Variants in ANXA8 observed in about 807,000 individuals in gnomAD.
The protein encoded by ANXA8 is annexin A8.
Under a neutral mutation model 26.8 loss-of-function variants are expected in ANXA8, and 9 were observed. The ratio of observed to expected loss-of-function variants is 0.34; its 90% CI spans 0.20 to 0.59. ANXA8 has a LOEUF of 0.59. Ranked by LOEUF, ANXA8 falls within the 20% of genes least tolerant of loss-of-function variation. The pLI is 0.84. For synonymous variants in ANXA8, 39 were observed against 94.8 expected, an observed-to-expected ratio of 0.41 and a Z score of 3.42; for missense variants, 83 against 238.5, an observed-to-expected ratio of 0.35 and a Z score of 4.29.
chr10:47,561,794 A>G, the ANXA8 span, among the ~76,000 whole-genome samples: 2 of 151,570 alleles, frequency 1.3e-5, no homozygotes, highest in South Asian at 2.1e-4. Flanking sequence ...GGGAAGCCAG[A>G]TACTAAACAC....
chr10:47,776,562 C>T, the ANXA8 span, among the ~76,000 whole-genome samples: 1 of 151,972 alleles, frequency 6.6e-6, no homozygotes, highest in Non-Finnish European at 1.5e-5. Flanking sequence ...GCCACATTCC[C>T]TTGGGGAATA....
chr10:47,717,330 G>GT, the ANXA8 span, among the ~76,000 whole-genome samples: 3 of 44,216 alleles, frequency 6.8e-5, no homozygotes, highest in Non-Finnish European at 1.2e-4. Flanking sequence ...TGAATTCATA[G>GT]TTTCTGTCAT....
the ANXA8 span, chr10:47,763,090 GC>G: frequency 2.0e-6 from 2 of 996,942 alleles, no homozygotes; most frequent in Non-Finnish European, 2.4e-6. Flanking sequence ...CCAGGACTGA[GC>G]CCCCGCCCTC....
the ANXA8 span, among the ~76,000 whole-genome samples, chr10:47,707,874 T>C: frequency 1.5e-5 from 2 of 135,086 alleles, no homozygotes; most frequent in Non-Finnish European, 1.6e-5. Flanking sequence ...ACTAGGTATA[T>C]ATCCAAAAGA....
chr10:47,489,157 A>G (rs1218340557), upstream of ANXA8, among the ~76,000 whole-genome samples: 1 of 148,920 alleles, frequency 6.7e-6, no homozygotes, highest in Non-Finnish European at 1.5e-5. Context: ...AGCTGGGACT[A>G]TAGGCACCCA....
chr10:47,664,893 T>C, the ANXA8 span, among the ~76,000 whole-genome samples: 1 of 142,214 alleles, frequency 7.0e-6, no homozygotes, highest in Non-Finnish European at 1.5e-5. Context: ...GCCTGGCTAA[T>C]TTTTAAATTT....
chr10:47,665,572 T>C, the ANXA8 span, among the ~76,000 whole-genome samples: 3 of 149,862 alleles, frequency 2.0e-5, no homozygotes, highest in Non-Finnish European at 2.9e-5. Context: ...AGGTACTGTG[T>C]TATATGCTGT....
the ANXA8 span, chr10:47,986,557 A>G: frequency 2.9e-6 from 1 of 349,220 alleles, no homozygotes; most frequent in Non-Finnish European, 5.7e-6. Context: ...CACATGGGCC[A>G]GGGCGGTGCA....
At chr10:47,763,203 C>A in the ANXA8 span, 1 of 988,816 alleles carries the variant, frequency 1.0e-6, no homozygotes, top group African/African-American at 1.7e-5. Flanking sequence ...GGGTCCCGGG[C>A]CCCAGCGCTG....
Position 47,484,033 on chromosome 10 carries a change from C to T in ANXA8, c.-100G>A, listed in dbSNP as rs1839956829. 2.5e-6 allele frequency: 4 copies of T among 1,611,348 alleles called. No homozygotes were observed. Among genetic ancestry groups the T allele is most frequent in the Non-Finnish European group, 3.4e-6 (4 of 1,179,618 alleles). ...CTGGCTCCTGCAGCTGAGGAGTGAG[C>T]AGGCCGCTCACTTGGGTGTGGGGGT... On this transcript the variant is annotated 5_prime_UTR_variant, in exon 1 of 12. Coordinates refer to ENST00000585281, the MANE Select transcript of ANXA8 (RefSeq NM_001040084.3).
chr10:47,926,022 GAT>G, the ANXA8 span, among the ~76,000 whole-genome samples: 1 of 51,972 alleles, frequency 1.9e-5, no homozygotes, highest in African/African-American at 7.3e-5. Context: ...CATCTTGCTG[GAT>G]ATCTTTTTTT....
chr10:47,747,969 A>G, the ANXA8 span, among the ~76,000 whole-genome samples: 1 of 152,000 alleles, frequency 6.6e-6, no homozygotes. Context: ...CAGAATAAAA[A>G]CTCTAAGCTG....
At chr10:47,643,485 C>G in the ANXA8 span, among the ~76,000 whole-genome samples, 1 of 148,006 alleles carries the variant, frequency 6.8e-6, no homozygotes, top group Non-Finnish European at 1.5e-5. Context: ...GCCGAGATCA[C>G]ACCACTGCAC....
At chr10:47,607,348 G>T in the ANXA8 span, among the ~76,000 whole-genome samples, 35 of 141,934 alleles carry the variant, frequency 2.5e-4, no homozygotes, top group Non-Finnish European at 1.1e-4. Flanking sequence ...TCAAATGTCT[G>T]CAATGATTCT....
At chr10:47,652,218 G>T in the ANXA8 span, among the ~76,000 whole-genome samples, 1 of 151,866 alleles carries the variant, frequency 6.6e-6, no homozygotes, top group South Asian at 2.1e-4. Context: ...TAGTGTAGAT[G>T]GTTGCAAAAT....
At chr10:47,691,361 C>G in the ANXA8 span, 1 of 601,594 alleles carries the variant, frequency 1.7e-6, no homozygotes, top group Non-Finnish European at 2.8e-6. Context: ...ATAATTGATC[C>G]CTTTATTGCA....
the ANXA8 span, among the ~76,000 whole-genome samples, chr10:47,514,006 G>A: frequency 7.1e-6 from 1 of 140,092 alleles, no homozygotes; most frequent in Non-Finnish European, 1.5e-5. Context: ...GAACACAAAA[G>A]CAAATGCAAC....
chr10:47,680,591 C>T, the ANXA8 span, among the ~76,000 whole-genome samples: 50 of 151,470 alleles, frequency 3.3e-4, no homozygotes, highest in African/African-American at 4.1e-4. Flanking sequence ...GCTGAGATTG[C>T]GCCATCGCAC....
At chr10:47,679,761 A>C in the ANXA8 span, among the ~76,000 whole-genome samples, 1 of 151,808 alleles carries the variant, frequency 6.6e-6, no homozygotes, top group African/African-American at 2.4e-5. Flanking sequence ...TCTCAAAAAA[A>C]AGTTTAAAAA....
Sources: allele counts gnomAD v4.1 joint callset (sites outside exome capture counted in the v4.1 genomes callset), GRCh38; gene constraint gnomAD v4.1.1; transcripts MANE v1.5; gene names NCBI Gene and HGNC (gene_info 2026-07-23, HGNC 2026-07-21).